The following CSTL1 variants were observed in gnomAD, a reference collection of about 807,000 sequenced individuals.
CSTL1 encodes the protein cystatin like 1.
Under a neutral mutation model 14.4 loss-of-function variants are expected in CSTL1, and 14 were observed. The observed-to-expected ratio is 0.97, with a 90% CI of 0.64 to 1.52. CSTL1 has a LOEUF of 1.52. CSTL1 is among the 40% of genes most tolerant of loss of function. CSTL1 has a pLI of 0.00. For missense variants in CSTL1, 170 were observed against 168.7 expected, an observed-to-expected ratio of 1.01 and a Z score of -0.04; for synonymous variants, 72 against 67.5, an observed-to-expected ratio of 1.07 and a Z score of -0.33.
chr20:23,444,675 A>G (rs1338450564), intron 3 of CSTL1, 96 bp from the exon 4 acceptor site: 1 of 760,052 alleles, frequency 1.3e-6, no homozygotes, highest in Non-Finnish European at 2.3e-6. Context: ...CATGGGGTTC[A>G]TGAGCAGCCA....
chr20:23,441,762 C>T (rs1261395143), intron 2 of CSTL1, among the ~76,000 whole-genome samples: 3 of 152,008 alleles, frequency 2.0e-5, no homozygotes, highest in South Asian at 2.1e-4. Context: ...ATATGGAGCT[C>T]GTAAGTACAG....
chr20:23,456,067 T>C, the CSTL1 span, among the ~76,000 whole-genome samples: 10 of 152,318 alleles, frequency 6.6e-5, no homozygotes, highest in African/African-American at 2.2e-4. Flanking sequence ...TTTGAGAAGC[T>C]GATGGAAGCT....
downstream of CSTL1, among the ~76,000 whole-genome samples, chr20:23,449,725 T>G (rs1169998714): frequency 2.0e-5 from 3 of 152,170 alleles, no homozygotes; most frequent in African/African-American, 7.2e-5. Context: ...GACTCCTGGC[T>G]TCTCCCTGTC....
At chr20:23,451,624 A>G in the CSTL1 span, among the ~76,000 whole-genome samples, 1 of 152,110 alleles carries the variant, frequency 6.6e-6, no homozygotes, top group Non-Finnish European at 1.5e-5. Context: ...CACTCCTTCC[A>G]GCAACAAAGG....
At chr20:23,457,894 T>C in the CSTL1 span, among the ~76,000 whole-genome samples, 1 of 152,316 alleles carries the variant, frequency 6.6e-6, no homozygotes, top group African/African-American at 2.4e-5. Context: ...GAAAGGCTCA[T>C]TGTCTTGACT....
the CSTL1 span, among the ~76,000 whole-genome samples, chr20:23,453,973 C>T: frequency 6.6e-6 from 1 of 151,808 alleles, no homozygotes; most frequent in Non-Finnish European, 1.5e-5. Flanking sequence ...CATACCTATC[C>T]ACACTCACAC....
rs139779686 is a variant in CSTL1 at position 23,443,823 on chromosome 20, G to A, written c.220-111G>A. 35 of 741,310 alleles carry A rather than the reference G, an allele frequency of 4.7e-5. 1 individual carries two copies. The highest frequency in any genetic ancestry group is 3.6e-4 in the Middle Eastern group (1 of 2,810). 45.9% of individuals were successfully genotyped at this position (741,310 alleles called of 1,614,324 possible). On this transcript the variant is annotated intron_variant, in intron 2 of 3. Transcript: ENST00000347397. ...CATGCTTTTGGTGGGTAAGCTCCGC[G>A]AACAAGAACTGTGGCCCTGGGAGCT...
At chr20:23,444,068 A>G (rs760236269) in intron 3 of CSTL1, 24 bp downstream of exon 3, 2 of 1,586,092 alleles carry the variant, frequency 1.3e-6, no homozygotes, top group East Asian at 2.2e-5. Flanking sequence ...GTCATCCCAA[A>G]GGGACTTGTG....
the CSTL1 span, chr20:23,451,871 G>T: frequency 3.0e-5 from 48 of 1,613,932 alleles, no homozygotes; most frequent in Admixed American, 3.8e-4. Flanking sequence ...CTTTTGGCAG[G>T]TGGTCCACTG....
At chr20:23,445,911 G>C (rs1374359458), downstream of CSTL1, among the ~76,000 whole-genome samples, 1 of 152,138 alleles carries the variant, frequency 6.6e-6, no homozygotes, top group Non-Finnish European at 1.5e-5. Context: ...AACCAGCCAG[G>C]AGCTTCCAGA....
At chr20:23,451,687 G>A in the CSTL1 span, 1 of 628,976 alleles carries the variant, frequency 1.6e-6, no homozygotes, top group Non-Finnish European at 2.8e-6. Flanking sequence ...GGAAGGAGGT[G>A]TTACCCATGC....
chr20:23,451,478 A>G, the CSTL1 span, among the ~76,000 whole-genome samples: 1 of 152,180 alleles, frequency 6.6e-6, no homozygotes, highest in Non-Finnish European at 1.5e-5. Context: ...ACTCTGAGGT[A>G]TTCAGTCAGC....
chr20:23,443,293 A>G (rs1308606098), intron 2 of CSTL1, among the ~76,000 whole-genome samples: 1 of 152,210 alleles, frequency 6.6e-6, no homozygotes, highest in Non-Finnish European at 1.5e-5. Flanking sequence ...ATAATTATGA[A>G]AATATTTAAA....
At chr20:23,455,718 G>T in the CSTL1 span, among the ~76,000 whole-genome samples, 2 of 152,236 alleles carry the variant, frequency 1.3e-5, no homozygotes, top group Non-Finnish European at 2.9e-5. Context: ...AGCAAGGCAA[G>T]AGGGCGGCAC....
At chr20:23,452,032 G>A in the CSTL1 span, 11 of 702,970 alleles carry the variant, frequency 1.6e-5, no homozygotes, top group Admixed American at 9.9e-5. Context: ...GCTGGTCCTA[G>A]GCGGATTAGC....
chr20:23,452,745 G>C, the CSTL1 span: 18 of 1,614,058 alleles, frequency 1.1e-5, no homozygotes, highest in Non-Finnish European at 1.4e-5. Flanking sequence ...GCTTGGTAGG[G>C]GAGGGCCATC....
At chr20:23,459,490 C>T in the CSTL1 span, 1 of 152,118 alleles carries the variant, frequency 6.6e-6, no homozygotes, top group South Asian at 2.1e-4. Flanking sequence ...TTGTTATTTT[C>T]TGTATTTCTG....
At chr20:23,446,267 T>C (rs979907224), downstream of CSTL1, among the ~76,000 whole-genome samples, 10 of 150,734 alleles carry the variant, frequency 6.6e-5, no homozygotes, top group African/African-American at 1.7e-4. Flanking sequence ...TTTTTTTTTC[T>C]TTTTTTTGAG....
chr20:23,452,341 G>A, the CSTL1 span, among the ~76,000 whole-genome samples: 1 of 152,222 alleles, frequency 6.6e-6, no homozygotes, highest in Non-Finnish European at 1.5e-5. Flanking sequence ...ACAAGAACAC[G>A]ACTTACAAAA....
Sources: gnomAD v4.1 joint callset for allele counts (sites outside exome capture counted in the v4.1 genomes callset) on GRCh38, gnomAD v4.1.1 for gene constraint, MANE v1.5 for transcripts, NCBI Gene and HGNC (gene_info 2026-07-23, HGNC 2026-07-21) for gene names.